The following SPON1 variants were observed in gnomAD, a reference collection of about 807,000 sequenced individuals.
The protein encoded by SPON1 is spondin-1.
In SPON1, 52 loss-of-function variants were observed where a neutral mutation model predicts 111.7. The ratio of observed to expected loss-of-function variants is 0.47; its 90% CI spans 0.37 to 0.59. The LOEUF (loss-of-function observed/expected upper bound fraction) is 0.59, where lower values mean the gene tolerates loss of function less well. Ranked by LOEUF, SPON1 falls within the 20% of genes least tolerant of loss-of-function variation. The probability of loss-of-function intolerance (pLI) is 0.00; values close to 1 mark genes in which losing one functional copy is unlikely to be tolerated. For missense variants in SPON1, 957 were observed against 1,068.5 expected, an observed-to-expected ratio of 0.90 and a Z score of 1.46; for synonymous variants, 410 against 395.8, an observed-to-expected ratio of 1.04 and a Z score of -0.43.
intron 4 of SPON1, 127 bp from the exon 5 acceptor site, chr11:14,079,772 C>G (rs1848946690): frequency 1.0e-6 from 1 of 972,384 alleles, no homozygotes; most frequent in Non-Finnish European, 1.5e-6. Flanking sequence ...GGCTCTAAGT[C>G]TTATTAACTA....
chr11:14,160,585 ACATATATATATT>A (rs1554930909), intron 6 of SPON1, among the ~76,000 whole-genome samples: 1 of 19,588 alleles, frequency 5.1e-5, no homozygotes, highest in East Asian at 3.6e-3. Flanking sequence ...ATATATATTT[ACATATATATATT>A]TATATATATT....
chr11:14,196,108 T>C (rs1252580966), intron 6 of SPON1, among the ~76,000 whole-genome samples: 1 of 152,182 alleles, frequency 6.6e-6, no homozygotes, highest in African/African-American at 2.4e-5. Context: ...ATCCCTTTCA[T>C]TTTATAGGAG....
At chr11:14,126,368 A>G (rs909795477) in intron 5 of SPON1, among the ~76,000 whole-genome samples, 1 of 152,240 alleles carries the variant, frequency 6.6e-6, no homozygotes, top group Admixed American at 6.5e-5. Context: ...TGTTTTAAGC[A>G]TCATTGTGAA....
At chr11:13,972,192 C>T (rs547892357) in intron 1 of SPON1, among the ~76,000 whole-genome samples, 30 of 152,324 alleles carry the variant, frequency 2.0e-4, no homozygotes, top group African/African-American at 6.7e-4. Flanking sequence ...ATGATTATCT[C>T]CTTGTCCTGG....
At chr11:14,021,003 A>C (rs1213286606) in intron 2 of SPON1, among the ~76,000 whole-genome samples, 2 of 152,198 alleles carry the variant, frequency 1.3e-5, no homozygotes, top group African/African-American at 4.8e-5. Flanking sequence ...ATTTACATGT[A>C]TGTTTAAAAG....
At chr11:14,003,714 A>G (rs1464630460) in intron 2 of SPON1, among the ~76,000 whole-genome samples, 1 of 152,172 alleles carries the variant, frequency 6.6e-6, no homozygotes, top group Admixed American at 6.5e-5. Context: ...TAGTATACAT[A>G]ATGATATATA....
chr11:14,076,999 A>G (rs117838495), intron 4 of SPON1, among the ~76,000 whole-genome samples: 9 of 152,320 alleles, frequency 5.9e-5, no homozygotes, highest in Non-Finnish European at 1.2e-4. Context: ...TGGTTCCTCA[A>G]TGACAATCCC....
chr11:14,070,794 G>A (rs1554920822), intron 3 of SPON1, among the ~76,000 whole-genome samples: 1 of 151,988 alleles, frequency 6.6e-6, no homozygotes, highest in Non-Finnish European at 1.5e-5. Flanking sequence ...GATTCCCTCA[G>A]GAAAAAGAGT....
At chr11:14,227,285 T>G (rs1848751258) in intron 6 of SPON1, among the ~76,000 whole-genome samples, 1 of 152,146 alleles carries the variant, frequency 6.6e-6, no homozygotes, top group Non-Finnish European at 1.5e-5. Flanking sequence ...AGCAGGGACT[T>G]CAGGCACAAG....
intron 2 of SPON1, among the ~76,000 whole-genome samples, chr11:13,996,535 C>A (rs187118874): frequency 5.3e-5 from 8 of 152,304 alleles, no homozygotes; most frequent in Admixed American, 5.2e-4. Context: ...ACTTAAGCAT[C>A]ACTCCTCTCA....
chr11:14,007,105 T>C (rs1259049662), intron 2 of SPON1, among the ~76,000 whole-genome samples: 1 of 152,140 alleles, frequency 6.6e-6, no homozygotes, highest in Non-Finnish European at 1.5e-5. Context: ...AGGATAAAAC[T>C]GTTCTACCTC....
At chr11:14,066,033 A>G (rs1448216358) in intron 3 of SPON1, among the ~76,000 whole-genome samples, 3 of 152,352 alleles carry the variant, frequency 2.0e-5, no homozygotes, top group Non-Finnish European at 1.5e-5. Flanking sequence ...TGTAAGAGGC[A>G]TTAATAGTCA....
chr11:14,050,397 T>C (rs563753577), intron 3 of SPON1, among the ~76,000 whole-genome samples: 53 of 152,316 alleles, frequency 3.5e-4, no homozygotes, highest in African/African-American at 1.1e-3. Flanking sequence ...CACAGTTACG[T>C]TAATTCATTT....
At chr11:14,187,751 A>G (rs954083318) in intron 6 of SPON1, among the ~76,000 whole-genome samples, 3 of 151,536 alleles carry the variant, frequency 2.0e-5, no homozygotes, top group Non-Finnish European at 4.4e-5. Context: ...AGTAGCTGAG[A>G]TTACAGGAGT....
intron 15 of SPON1, 78 bp downstream of exon 15, chr11:14,263,053 TAAAAAAAAA>T (rs34480564): frequency 1.0e-5 from 10 of 952,558 alleles, no homozygotes; most frequent in African/African-American, 1.9e-5. Context: ...TGGACCTGTT[TAAAAAAAAA>T]AAAAAAAAAA....
chr11:13,964,595 T>C (rs1848001339), intron 1 of SPON1, among the ~76,000 whole-genome samples: 1 of 152,198 alleles, frequency 6.6e-6, no homozygotes, highest in African/African-American at 2.4e-5. Context: ...CTGAGCACTT[T>C]GCGAGGAACA....
At chr11:14,053,454 T>C (rs1848722603) in intron 3 of SPON1, among the ~76,000 whole-genome samples, 1 of 152,216 alleles carries the variant, frequency 6.6e-6, no homozygotes, top group African/African-American at 2.4e-5. Flanking sequence ...TTGAGGTTCA[T>C]CCATGTTGTA....
At chr11:14,262,650 AG>A in intron 14 of SPON1, 61 bp from the exon 15 acceptor site, 1 of 1,595,736 alleles carries the variant, frequency 6.3e-7, no homozygotes, top group Non-Finnish European at 8.6e-7. Flanking sequence ...TGTTCAAAGG[AG>A]AGCGTGACCA....
At chr11:14,010,757 A>G (rs1347583023) in intron 2 of SPON1, among the ~76,000 whole-genome samples, 3 of 152,210 alleles carry the variant, frequency 2.0e-5, no homozygotes, top group Non-Finnish European at 4.4e-5. Context: ...TTCTAGGTGC[A>G]ATATTAAGTT....
Sources: gnomAD v4.1 joint callset for allele counts (sites outside exome capture counted in the v4.1 genomes callset) on GRCh38, gnomAD v4.1.1 for gene constraint, MANE v1.5 for transcripts, NCBI Gene and HGNC (gene_info 2026-07-23, HGNC 2026-07-21) for gene names.